ZNF516: variants seen among roughly 807,000 people sequenced by gnomAD.
ZNF516 encodes zinc finger protein 516.
ZNF516 carries 19 observed loss-of-function variants against 79.7 expected under a neutral mutation model. That is an observed-to-expected ratio of 0.24 (90% confidence interval 0.17 to 0.35). ZNF516 has a LOEUF of 0.35. Among genes scored for constraint, ZNF516 ranks in the 10% least tolerant of loss-of-function variants. ZNF516 has a pLI of 1.00. For missense variants in ZNF516, 1,678 were observed against 1,679.5 expected (o/e 1.00, Z 0.02); for synonymous variants, 877 against 739.5 (o/e 1.19, Z -3.02).
At chr18:76,378,383 G>GT (rs1361099339) in intron 4 of ZNF516, 3 of 153,706 alleles carry the variant, frequency 2.0e-5, no homozygotes, top group Admixed American at 6.5e-5. Flanking sequence ...CTAATTAGGT[G>GT]TTTTTTTAAT....
chr18:76,463,797 T>C (rs558414521), intron 1 of ZNF516, among the ~76,000 whole-genome samples: 1 of 152,324 alleles, frequency 6.6e-6, no homozygotes, highest in South Asian at 2.1e-4. Flanking sequence ...TTGAAAGTCA[T>C]TCCAAAGCGA....
At chr18:76,496,299 CCTT>C (rs1444185869), upstream of ZNF516, 249 of 1,289,534 alleles carry the variant, frequency 1.9e-4, no homozygotes, top group Non-Finnish European at 2.4e-4. Context: ...GTATTGTTCT[CCTT>C]CTCCTCGTGA....
chr18:76,390,278 G>C (rs770488133), intron 3 of ZNF516, among the ~76,000 whole-genome samples: 14 of 152,200 alleles, frequency 9.2e-5, no homozygotes, highest in Non-Finnish European at 2.1e-4. Context: ...ATTTTGATAT[G>C]AGAATGAGCA....
intron 3 of ZNF516, among the ~76,000 whole-genome samples, chr18:76,439,000 A>G (rs1288130890): frequency 3.9e-5 from 6 of 152,260 alleles, no homozygotes; most frequent in African/African-American, 9.6e-5. Context: ...CACTTAAAGA[A>G]CTAAGTAATC....
At chr18:76,368,234 T>C (rs2074648023) in intron 6 of ZNF516, among the ~76,000 whole-genome samples, 1 of 152,162 alleles carries the variant, frequency 6.6e-6, no homozygotes, top group Non-Finnish European at 1.5e-5. Flanking sequence ...CCTCTACCTA[T>C]TACTGATGTG....
At chr18:76,449,712 A>C (rs1912277839) in intron 2 of ZNF516, among the ~76,000 whole-genome samples, 1 of 152,266 alleles carries the variant, frequency 6.6e-6, no homozygotes, top group Non-Finnish European at 1.5e-5. Context: ...GACGGGATTA[A>C]TAAGTAATTG....
chr18:76,374,385 TA>T (rs2074753691), intron 4 of ZNF516, among the ~76,000 whole-genome samples: 1 of 152,238 alleles, frequency 6.6e-6, no homozygotes, highest in South Asian at 2.1e-4. Context: ...GTACAATGAT[TA>T]CAGAAAATGC....
chr18:76,374,377 A>T (rs1285348632), intron 4 of ZNF516, among the ~76,000 whole-genome samples: 1 of 152,244 alleles, frequency 6.6e-6, no homozygotes, highest in Non-Finnish European at 1.5e-5. Flanking sequence ...GTCACACTGT[A>T]CAATGATTAC....
At position 76,367,261 on chromosome 18, in the gene ZNF516, C is replaced by T. The variant is rs191869037; in HGVS notation, c.3432+3267G>A. On this transcript the variant is annotated intron_variant, in intron 6 of 6. Coordinates refer to ENST00000443185, the MANE Select transcript of ZNF516 (RefSeq NM_014643.4). The stretch of plus-strand genomic sequence containing the variant: ...GTCCCTCAAATCTACCCGCTCTCTC[C>T]GGCCCCATGCCAGCTCAGGCCACCT... Among the ~76,000 whole-genome samples the T allele has an allele frequency of 1.7e-4, 26 of 152,312 alleles. No homozygotes were observed. In the South Asian group the frequency reaches 1.9e-3, roughly 11 times the overall value.
chr18:76,492,467 G>T, intron 1 of ZNF516: 1 of 686,194 alleles, frequency 1.5e-6, no homozygotes, highest in Non-Finnish European at 1.8e-6. Flanking sequence ...GGCCACGAGC[G>T]CTTCACCTTC....
At chr18:76,431,863 C>G (rs1050895735) in intron 3 of ZNF516, among the ~76,000 whole-genome samples, 1 of 152,218 alleles carries the variant, frequency 6.6e-6, no homozygotes, top group African/African-American at 2.4e-5. Flanking sequence ...TTGCCCAAGT[C>G]TCGGGTATTC....
chr18:76,442,603 A>G lies in ZNF516; in HGVS notation c.452T>C (p.Val151Ala). Reference sequence around the variant, plus strand: ...CCCCTTCTTGCTGCTCCGCAGCAGGACTCTGCCGCTGTCGGCCTGCGAGGC... The same window carrying G: ...CCCCTTCTTGCTGCTCCGCAGCAGGGCTCTGCCGCTGTCGGCCTGCGAGGC... ...NGASQADSGR[V>A]LLRSSKKGAE... Residue 151 changes from valine (V) to alanine (A), a missense_variant, in exon 3 of 7, where the codon GTC (valine) becomes GCC (alanine). Val to Ala is a moderately conservative substitution (Grantham distance 64). This residue lies in a region of ZNF516 where 279 missense variants were observed against 254.1 expected (regional missense o/e 1.10). Transcript: ENST00000443185. 1 of 1,596,878 alleles carries G rather than the reference A, an allele frequency of 6.3e-7. No homozygotes were observed. The highest frequency in any genetic ancestry group is 1.1e-5 in the South Asian group (1 of 90,836).
intron 6 of ZNF516, among the ~76,000 whole-genome samples, chr18:76,367,968 CA>C (rs796218225): frequency 6.6e-6 from 1 of 151,368 alleles, no homozygotes; most frequent in Admixed American, 6.6e-5. Flanking sequence ...GTTGCATGAT[CA>C]AAAAAAACCA....
chr18:76,432,753 C>T (rs1406658095), intron 3 of ZNF516, among the ~76,000 whole-genome samples: 1 of 152,222 alleles, frequency 6.6e-6, no homozygotes, highest in East Asian at 1.9e-4. Context: ...GGAAGCCTGC[C>T]GTGACAGTCT....
chr18:76,436,240 G>A (rs368466639), intron 3 of ZNF516, among the ~76,000 whole-genome samples: 5 of 152,294 alleles, frequency 3.3e-5, no homozygotes, highest in African/African-American at 1.2e-4. Flanking sequence ...TCAGAATGAG[G>A]ACATCCCACA....
chr18:76,378,776 T>C (rs928127738), intron 4 of ZNF516, 79 bp downstream of exon 4: 41 of 1,502,620 alleles, frequency 2.7e-5, no homozygotes, highest in Non-Finnish European at 3.6e-5. Context: ...GACAGGCAGG[T>C]GCGCAGCAGC....
In ZNF516 at chr18:76,379,114, G is replaced by A. The variant is rs757597572; in HGVS notation, c.3000C>T (p.Arg1000=). The change falls in exon 4 of 7, where the codon CGC becomes CGT. Residue 1000 remains arginine, a synonymous_variant. Transcript: ENST00000443185. ...GEGGAPPLPP[R]EPPSKAAQEL... The stretch of plus-strand genomic sequence containing the variant: ...CCTGGGCTGCCTTCGAGGGGGGCTC[G>A]CGGGGAGGTAGAGGAGGAGCGCCCC... 2.3e-5 allele frequency: 37 copies of A among 1,611,960 alleles called. No homozygotes were observed. In the East Asian group the frequency reaches 3.6e-4, roughly 16 times the overall value.
chr18:76,379,751 T>C lies in ZNF516; in HGVS notation c.2363A>G (p.Asn788Ser), dbSNP rs1467899925. 3.1e-6 allele frequency: 5 copies of C among 1,613,774 alleles called. No homozygotes were observed. The highest frequency in any genetic ancestry group is 1.1e-5 in the South Asian group (1 of 91,078). Residue 788 changes from asparagine to serine, a missense_variant, in exon 4 of 7, where the codon AAC becomes AGC. Asn to Ser is a conservative substitution (Grantham distance 46). Transcript: ENST00000443185. ...HKRIWHRVSCNSVAPPWIQPN... is the reference protein window; with the variant it reads ...HKRIWHRVSCSSVAPPWIQPN... ...CTGAATCCACGGGGGAGCCACGGAG[T>C]TGCAGCTGACGCGGTGCCAGATGCG...
At chr18:76,486,253 A>C (rs1175917169) in intron 1 of ZNF516, among the ~76,000 whole-genome samples, 1 of 152,248 alleles carries the variant, frequency 6.6e-6, no homozygotes. Flanking sequence ...ACTAAATTTC[A>C]AAGAACATTC....
Sources: allele counts gnomAD v4.1 joint callset (sites outside exome capture counted in the v4.1 genomes callset), GRCh38; gene constraint gnomAD v4.1.1; regional missense constraint gnomAD v4.1.1; transcripts MANE v1.5; gene names NCBI Gene and HGNC (gene_info 2026-07-23, HGNC 2026-07-21).